SNX29: variants seen among roughly 807,000 people sequenced by gnomAD.
SNX29 encodes sorting nexin-29.
SNX29 carries 78 observed loss-of-function variants against 102.1 expected under a neutral mutation model. The observed-to-expected ratio is 0.76, with a 90% CI of 0.64 to 0.92. The LOEUF is 0.92. SNX29 is among the 40% of genes least tolerant of loss of function. The pLI, the probability that SNX29 is intolerant of heterozygous loss-of-function variation, is 0.00. For synonymous variants in SNX29, 580 were observed against 414.5 expected (o/e 1.40, Z -4.85); for missense variants, 1,280 against 1,061.7 (o/e 1.21, Z -2.86).
intron 4 of SNX29, among the ~76,000 whole-genome samples, chr16:12,036,491 C>T (rs1383533134): frequency 1.6e-4 from 25 of 151,982 alleles, no homozygotes; most frequent in Admixed American, 1.3e-3. Context: ...CCCGCCACCA[C>T]GCCCAGCTAA....
Position 12,545,842 on chromosome 16 carries a change from C to T in SNX29, c.2318+21001C>T, listed in dbSNP as rs191839325. ...TCTCCAGACCTGTGGGGGAGGGGAG[C>T]AGATCACCTCTCCTTGAGAGGGTGA... On this transcript the variant is annotated intron_variant, in intron 20 of 20. Transcript: ENST00000566228. Among the ~76,000 whole-genome samples the T allele has an allele frequency of 5.6e-4, 85 of 152,098 alleles. 1 individual carries two copies. Among genetic ancestry groups the T allele is most frequent in the African/African-American group, 1.8e-3 (75 of 41,524 alleles).
intron 15 of SNX29, among the ~76,000 whole-genome samples, chr16:12,288,009 G>A (rs1156992854): frequency 6.6e-6 from 1 of 152,158 alleles, no homozygotes; most frequent in Admixed American, 6.5e-5. Context: ...AATGTAGTGA[G>A]ACCCTGTAAT....
intron 19 of SNX29, among the ~76,000 whole-genome samples, chr16:12,516,465 G>GAGAT (rs1370554059): frequency 4.5e-5 from 6 of 132,060 alleles, no homozygotes; most frequent in African/African-American, 1.7e-4. Flanking sequence ...TGGCAACAGA[G>GAGAT]AGATATCCCG....
At chr16:12,221,665 T>A (rs1277223727) in intron 14 of SNX29, among the ~76,000 whole-genome samples, 1 of 152,174 alleles carries the variant, frequency 6.6e-6, no homozygotes, top group African/African-American at 2.4e-5. Flanking sequence ...TGGCTTATAG[T>A]GACCAGCAAC....
chr16:12,120,618 G>T (rs958208701), intron 11 of SNX29, among the ~76,000 whole-genome samples: 1 of 152,152 alleles, frequency 6.6e-6, no homozygotes, highest in Non-Finnish European at 1.5e-5. Context: ...AGCAGCCTCC[G>T]AGGCCGTAAT....
rs1035376740 is a variant in SNX29 at position 12,571,941 on chromosome 16, C to T, written c.*3312C>T. 22 of 1,061,982 alleles carry T rather than the reference C, an allele frequency of 2.1e-5. No homozygotes were observed. In the African/African-American group the frequency reaches 3.1e-4, roughly 15 times the overall value. The allele number at this position is 1,061,982 out of a possible 1,614,324, so 65.8% of individuals were successfully genotyped here. A position where few individuals can be genotyped will look rare whatever the true frequency, so the allele number is the denominator to read the frequency against. ...AGGCCCTGGTGAAGGAAGACACTTTCAGGGAAGAGGCTCTTACAGTCTATG... is the reference window on the plus strand; with the variant it reads ...AGGCCCTGGTGAAGGAAGACACTTTTAGGGAAGAGGCTCTTACAGTCTATG... On this transcript the variant is annotated 3_prime_UTR_variant, in exon 21 of 21. Transcript: ENST00000566228.
intron 3 of SNX29, among the ~76,000 whole-genome samples, chr16:12,014,102 T>C (rs1440725812): frequency 6.6e-6 from 1 of 152,086 alleles, no homozygotes; most frequent in Admixed American, 6.6e-5. Flanking sequence ...TGGCTGAGTT[T>C]TTATTTTTTT....
intron 15 of SNX29, among the ~76,000 whole-genome samples, chr16:12,280,397 C>G (rs1233897879): frequency 2.0e-5 from 3 of 152,338 alleles, no homozygotes; most frequent in African/African-American, 7.2e-5. Context: ...GGAGTTACTG[C>G]AGGGTCCACC....
At chr16:12,094,997 G>T (rs2052710225) in intron 11 of SNX29, 1 of 152,132 alleles carries the variant, frequency 6.6e-6, no homozygotes, top group Non-Finnish European at 1.5e-5. Context: ...GTATGTTTGG[G>T]AGCTTTTTCG....
chr16:12,227,898 T>TTAAAA lies in SNX29; in HGVS notation c.1678+28216_1678+28220dup, dbSNP rs1353009166. 1.2e-4 allele frequency among the ~76,000 whole-genome samples: 3 copies of TTAAAA among 26,000 alleles called. No individual in the cohort carries two copies. The East Asian group carries it at 2.0e-3, about 17-fold the overall frequency. 17.1% of individuals were successfully genotyped at this position (26,000 alleles called of 152,430 possible). On this transcript the variant is annotated intron_variant, in intron 14 of 20. Transcript: ENST00000566228. ...CTGGGCAACAGAGCGAGACTCTGTC[T>TTAAAA]TAAAAAAAAAAAAAAAAAAAAAAAA...
intron 16 of SNX29, among the ~76,000 whole-genome samples, chr16:12,390,692 G>A (rs1196644419): frequency 6.6e-6 from 1 of 152,014 alleles, no homozygotes; most frequent in Non-Finnish European, 1.5e-5. Context: ...ATGTTTCTCT[G>A]CCAGGTGCTG....
chr16:12,116,033 C>T (rs377148456), intron 11 of SNX29, among the ~76,000 whole-genome samples: 3 of 152,142 alleles, frequency 2.0e-5, no homozygotes, highest in South Asian at 2.1e-4. Context: ...CCAAATTGAC[C>T]GTGCCAGGTG....
At chr16:12,458,902 A>G (rs2086649781) in intron 18 of SNX29, among the ~76,000 whole-genome samples, 1 of 152,240 alleles carries the variant, frequency 6.6e-6, no homozygotes. Context: ...TTTCACTACA[A>G]GTGGCAAAAT....
At chr16:12,519,379 C>T (rs774396296) in intron 19 of SNX29, among the ~76,000 whole-genome samples, 14 of 152,182 alleles carry the variant, frequency 9.2e-5, no homozygotes, top group Admixed American at 3.9e-4. Flanking sequence ...TGTAACTCGT[C>T]TTTTAAAATT....
chr16:12,215,550 G>A (rs2077301200), intron 14 of SNX29, among the ~76,000 whole-genome samples: 1 of 152,250 alleles, frequency 6.6e-6, no homozygotes, highest in South Asian at 2.1e-4. Context: ...CAGGAACCTG[G>A]GCTCCAGAGG....
intron 19 of SNX29, among the ~76,000 whole-genome samples, chr16:12,487,927 T>G (rs2088330351): frequency 1.3e-5 from 2 of 152,158 alleles, no homozygotes; most frequent in African/African-American, 4.8e-5. Context: ...CATTTGTGTT[T>G]CTCTTTAATA....
chr16:12,218,381 C>T (rs1376580222), intron 14 of SNX29, among the ~76,000 whole-genome samples: 1 of 152,204 alleles, frequency 6.6e-6, no homozygotes, highest in South Asian at 2.1e-4. Flanking sequence ...GAATTACAGT[C>T]TATGTCAGGA....
chr16:12,238,111 G>T (rs1307143348), intron 14 of SNX29, among the ~76,000 whole-genome samples: 2 of 152,128 alleles, frequency 1.3e-5, no homozygotes, highest in African/African-American at 4.8e-5. Context: ...GAGGGGCAGT[G>T]GGCAGGCCAG....
At chr16:12,436,155 T>C (rs977695603) in intron 18 of SNX29, among the ~76,000 whole-genome samples, 70 of 152,264 alleles carry the variant, frequency 4.6e-4, no homozygotes, top group African/African-American at 1.6e-3. Flanking sequence ...TAAAGCTCTT[T>C]TCCTGGCGAT....
Sources: allele counts gnomAD v4.1 joint callset (sites outside exome capture counted in the v4.1 genomes callset), GRCh38; gene constraint gnomAD v4.1.1; transcripts MANE v1.5; gene names NCBI Gene and HGNC (gene_info 2026-07-23, HGNC 2026-07-21).